Variants in MACROD2 observed in about 807,000 individuals in gnomAD.
MACROD2 encodes the protein mono-ADP ribosylhydrolase 2, also known as ADP-ribose glycohydrolase MACROD2.
Under a neutral mutation model 70.4 loss-of-function variants are expected in MACROD2, and 36 were observed. The ratio of observed to expected loss-of-function variants is 0.51; its 90% CI spans 0.39 to 0.68. The LOEUF (loss-of-function observed/expected upper bound fraction) is 0.68, where lower values mean the gene tolerates loss of function less well. MACROD2 is among the 30% of genes least tolerant of loss of function. The pLI is 0.00. For synonymous variants in MACROD2, 172 were observed against 178.8 expected, an observed-to-expected ratio of 0.96 and a Z score of 0.30; for missense variants, 496 against 538.4, an observed-to-expected ratio of 0.92 and a Z score of 0.78.
intron 3 of MACROD2, among the ~76,000 whole-genome samples, chr20:14,410,627 G>A (rs1158915273): frequency 1.3e-5 from 2 of 152,086 alleles, no homozygotes; most frequent in African/African-American, 4.8e-5. Context: ...TCCAAATGAT[G>A]CTAACCTTCA....
intron 3 of MACROD2, among the ~76,000 whole-genome samples, chr20:14,178,381 G>C (rs1403935767): frequency 6.6e-6 from 1 of 152,064 alleles, no homozygotes; most frequent in African/African-American, 2.4e-5. Flanking sequence ...ACATATCTAT[G>C]AATTTATTTG....
At position 15,866,147 on chromosome 20, in the gene MACROD2, T is replaced by C. The variant is rs548372607; in HGVS notation, c.727+3321T>C. Among the ~76,000 whole-genome samples, 9 of 152,298 alleles carry C rather than the reference T, an allele frequency of 5.9e-5. No homozygotes were observed. The South Asian group carries it at 1.7e-3, about 28-fold the overall frequency. On this transcript the variant is annotated intron_variant, in intron 9 of 17. Transcript: ENST00000684519. ...GAGGCTGGCCAGGCACAGTGGCTCATGCCTGTAGAAGGAGGATTGCTTGAA... is the reference window on the plus strand; with the variant it reads ...GAGGCTGGCCAGGCACAGTGGCTCACGCCTGTAGAAGGAGGATTGCTTGAA...
At chr20:15,319,382 A>G (rs1473136118) in intron 6 of MACROD2, among the ~76,000 whole-genome samples, 1 of 152,192 alleles carries the variant, frequency 6.6e-6, no homozygotes, top group Non-Finnish European at 1.5e-5. Flanking sequence ...AAAAATACCC[A>G]ATGCTATGTA....
At chr20:14,403,068 A>T (rs2083655677) in intron 3 of MACROD2, among the ~76,000 whole-genome samples, 1 of 152,192 alleles carries the variant, frequency 6.6e-6, no homozygotes, top group African/African-American at 2.4e-5. Context: ...AAGATATTTT[A>T]AAAATTATGT....
chr20:14,360,745 G>A (rs6042692), intron 3 of MACROD2, among the ~76,000 whole-genome samples: 1 of 152,252 alleles, frequency 6.6e-6, no homozygotes, highest in African/African-American at 2.4e-5. Flanking sequence ...AAGCATTTCA[G>A]GAATGCCTCC....
rs372577604 is a variant in MACROD2, at chr20:14,890,951, TTTCC to T, written c.418+206030_418+206033del. Among the ~76,000 whole-genome samples, 812 of 105,760 alleles carry T rather than the reference TTTCC, an allele frequency of 7.7e-3. 4 individuals are homozygous for T. The highest frequency in any genetic ancestry group is 0.014 in the Middle Eastern group (3 of 212). 69.4% of individuals were successfully genotyped at this position (105,760 alleles called of 152,430 possible). On this transcript the variant is annotated intron_variant, in intron 5 of 17. Transcript: ENST00000684519. ...GACAAATAGGGATCTTCTTTCTCTT[TTTCC>T]TTCCTTCCTTCCTTCCTTCCTTCCT... is the stretch of plus-strand genomic sequence containing the variant.
At chr20:15,795,319 C>G (rs1366313334) in intron 8 of MACROD2, among the ~76,000 whole-genome samples, 2 of 152,004 alleles carry the variant, frequency 1.3e-5, no homozygotes, top group Non-Finnish European at 2.9e-5. Flanking sequence ...CTATAGATAT[C>G]TGACTAAAGG....
intron 8 of MACROD2, among the ~76,000 whole-genome samples, chr20:15,785,354 G>C (rs2051907727): frequency 6.6e-6 from 1 of 151,992 alleles, no homozygotes; most frequent in African/African-American, 2.4e-5. Flanking sequence ...GGATTCATGG[G>C]AACTGAGAAC....
At chr20:14,058,204 A>T (rs911888646) in intron 2 of MACROD2, among the ~76,000 whole-genome samples, 7 of 152,154 alleles carry the variant, frequency 4.6e-5, no homozygotes, top group African/African-American at 1.4e-4. Flanking sequence ...TTCTGCATAT[A>T]TGTATGCTTC....
chr20:14,883,651 C>T, intron 5 of MACROD2, among the ~76,000 whole-genome samples: 1 of 152,068 alleles, frequency 6.6e-6, no homozygotes, highest in East Asian at 1.9e-4. Context: ...TCCTTTCCTA[C>T]CTGGCTGCAT....
At chr20:14,823,081 A>G (rs1406089560) in intron 5 of MACROD2, among the ~76,000 whole-genome samples, 3 of 152,138 alleles carry the variant, frequency 2.0e-5, no homozygotes, top group Admixed American at 2.0e-4. Context: ...TTCAGCAGTT[A>G]TAGAGGCATG....
At chr20:16,005,278 G>C (rs1156411678) in intron 15 of MACROD2, among the ~76,000 whole-genome samples, 3 of 152,200 alleles carry the variant, frequency 2.0e-5, no homozygotes, top group Non-Finnish European at 4.4e-5. Flanking sequence ...ATTTAAGTCA[G>C]TTTGTCTTCC....
intron 10 of MACROD2, among the ~76,000 whole-genome samples, chr20:15,904,880 C>CAAAAAAAAAAA (rs10556594): frequency 7.8e-6 from 1 of 129,028 alleles, no homozygotes; most frequent in Admixed American, 7.9e-5. Flanking sequence ...GACTCTGTCT[C>CAAAAAAAAAAA]AAAAAAAAAA....
At chr20:15,039,360 G>GATCT (rs2123021806) in intron 5 of MACROD2, among the ~76,000 whole-genome samples, 1 of 152,298 alleles carries the variant, frequency 6.6e-6, no homozygotes, top group East Asian at 1.9e-4. Context: ...CTTAGGGGAG[G>GATCT]TAGGTCAGAG....
intron 5 of MACROD2, among the ~76,000 whole-genome samples, chr20:15,040,622 C>T (rs1447974476): frequency 6.6e-6 from 1 of 152,140 alleles, no homozygotes; most frequent in East Asian, 1.9e-4. Flanking sequence ...CTTCCTCTAC[C>T]TTTTTGGATT....
chr20:14,772,173 C>T (rs1252106814), intron 5 of MACROD2, among the ~76,000 whole-genome samples: 1 of 151,940 alleles, frequency 6.6e-6, no homozygotes, highest in Non-Finnish European at 1.5e-5. Context: ...GTACTTTTCC[C>T]CCTCTACCAT....
intron 3 of MACROD2, among the ~76,000 whole-genome samples, chr20:14,247,976 C>G (rs1481868704): frequency 6.6e-6 from 1 of 152,160 alleles, no homozygotes; most frequent in Non-Finnish European, 1.5e-5. Flanking sequence ...AGACTGAAAG[C>G]CTGCTGCTGT....
At chr20:15,390,881 T>C (rs1439448196) in intron 6 of MACROD2, among the ~76,000 whole-genome samples, 3 of 152,220 alleles carry the variant, frequency 2.0e-5, no homozygotes, top group Non-Finnish European at 4.4e-5. Context: ...ACTTACAAAA[T>C]TGAAGCTCAG....
intron 7 of MACROD2, among the ~76,000 whole-genome samples, chr20:15,475,014 GA>G (rs35460927): frequency 2.0e-4 from 29 of 147,920 alleles, no homozygotes; most frequent in East Asian, 9.9e-4. Flanking sequence ...AAAATATTCA[GA>G]AAAAAAAAAT....
Sources: gnomAD v4.1 joint callset for allele counts (sites outside exome capture counted in the v4.1 genomes callset) on GRCh38, gnomAD v4.1.1 for gene constraint, MANE v1.5 for transcripts, NCBI Gene and HGNC (gene_info 2026-07-23, HGNC 2026-07-21) for gene names.